ZNF831: variants seen among roughly 807,000 people sequenced by gnomAD.
The protein encoded by ZNF831 is zinc finger protein 831.
Under a neutral mutation model 95.8 loss-of-function variants are expected in ZNF831, and 59 were observed. That is an observed-to-expected ratio of 0.62 (90% CI 0.50 to 0.77). The LOEUF is 0.77. Among genes scored for constraint, ZNF831 ranks in the 30% least tolerant of loss-of-function variants. The probability of loss-of-function intolerance (pLI) is 0.00; values close to 1 mark genes in which losing one functional copy is unlikely to be tolerated. For synonymous variants in ZNF831, 961 were observed against 925.5 expected, an observed-to-expected ratio of 1.04 and a Z score of -0.70; for missense variants, 2,205 against 2,164.0, an observed-to-expected ratio of 1.02 and a Z score of -0.38.
chr20:59,241,289 A>G (rs896007906), intron 4 of ZNF831, among the ~76,000 whole-genome samples: 1 of 152,108 alleles, frequency 6.6e-6, no homozygotes, highest in Non-Finnish European at 1.5e-5. Flanking sequence ...TTGGTCTAAA[A>G]GAACTCATAA....
At chr20:59,162,543 TA>T (rs1980938270), upstream of ZNF831, among the ~76,000 whole-genome samples, 2 of 152,204 alleles carry the variant, frequency 1.3e-5, no homozygotes, top group Admixed American at 1.3e-4. Context: ...ATTTATTGAA[TA>T]GGGGGTCCTT....
At chr20:59,149,814 C>A (rs776686436) in intron 2 of ZNF831, among the ~76,000 whole-genome samples, 2 of 152,266 alleles carry the variant, frequency 1.3e-5, no homozygotes, top group African/African-American at 2.4e-5. Flanking sequence ...TCTCCACTGC[C>A]TTTTTCTGTG....
chr20:59,221,478 C>CT (rs1319393276), intron 4 of ZNF831, among the ~76,000 whole-genome samples: 1 of 152,230 alleles, frequency 6.6e-6, no homozygotes, highest in Non-Finnish European at 1.5e-5. Flanking sequence ...CACCCCACTG[C>CT]TGGCTGCTGG....
chr20:59,201,414 TTCAATCTATGGCTTA>T (rs1310742075), intron 3 of ZNF831, among the ~76,000 whole-genome samples: 2 of 152,202 alleles, frequency 1.3e-5, no homozygotes, highest in African/African-American at 4.8e-5. Flanking sequence ...ACTATTTTCT[TTCAATCTATGGCTTA>T]TCTTTCTATT....
At chr20:59,184,456 T>C (rs1982855573) in intron 1 of ZNF831, among the ~76,000 whole-genome samples, 1 of 151,208 alleles carries the variant, frequency 6.6e-6, no homozygotes, top group Non-Finnish European at 1.5e-5. Flanking sequence ...ACATAAAATA[T>C]AACACTTTCA....
rs1018315143 is a variant in ZNF831 at position 59,178,837 on chromosome 20, C to T, written c.-36-12147C>T. Among the ~76,000 whole-genome samples, 7 of 152,052 alleles carry T rather than the reference C, an allele frequency of 4.6e-5. No homozygotes were observed. In the South Asian group the frequency reaches 8.3e-4, roughly 18 times the overall value. On this transcript the variant is annotated intron_variant, in intron 1 of 5. Coordinates refer to ENST00000371030, the MANE Select transcript of ZNF831 (RefSeq NM_178457.3). ...TTTTCCATTTTACAAACAAGAAAACCGAGTCCTAGGGAGGCTGTGCAGCTC... is the reference window on the plus strand; with the variant it reads ...TTTTCCATTTTACAAACAAGAAAACTGAGTCCTAGGGAGGCTGTGCAGCTC...
At chr20:59,135,784 G>T (rs556918432) in intron 1 of ZNF831, among the ~76,000 whole-genome samples, 1 of 152,268 alleles carries the variant, frequency 6.6e-6, no homozygotes, top group Non-Finnish European at 1.5e-5. Flanking sequence ...TGTGATCCCA[G>T]TTATTAGGTT....
chr20:59,254,033 G>C lies in ZNF831; in HGVS notation c.4324G>C (p.Asp1442His), dbSNP rs2146762961. The change falls in exon 6 of 6, where the codon GAC becomes CAC. Residue 1442 changes from aspartate (D) to histidine (H), a missense_variant. By Grantham distance (81) the Asp-to-His change is moderately conservative (BLOSUM62 -1). Transcript: ENST00000371030. This position sits in a 1 kb window ranked among gnomAD's most constrained non-coding sequence, Gnocchi z 4.5. ...DVPLPPGKGL[D>H]LGLLETQLLA... ...GCCTCTACCCCCTGGCAAAGGTCTT[G>C]ACCTTGGGTTGCTGGAGACTCAGCT... The C allele has an allele frequency of 1.2e-6, 2 of 1,614,062 alleles. No homozygotes were observed. Among genetic ancestry groups the C allele is most frequent in the Non-Finnish European group, 1.7e-6 (2 of 1,180,022 alleles).
At chr20:59,222,310 C>A (rs1455393019) in intron 4 of ZNF831, among the ~76,000 whole-genome samples, 1 of 152,056 alleles carries the variant, frequency 6.6e-6, no homozygotes, top group Non-Finnish European at 1.5e-5. Context: ...TGGGTGCGGA[C>A]CCCTGGCTGG....
At chr20:59,175,976 T>A (rs962027276) in intron 1 of ZNF831, among the ~76,000 whole-genome samples, 4 of 152,206 alleles carry the variant, frequency 2.6e-5, no homozygotes, top group African/African-American at 9.7e-5. Context: ...GGGAAGGCCC[T>A]GTTACCTCCT....
intron 1 of ZNF831, among the ~76,000 whole-genome samples, chr20:59,144,808 T>G (rs1979791165): frequency 6.6e-6 from 1 of 152,050 alleles, no homozygotes; most frequent in African/African-American, 2.4e-5. Context: ...TCTTCTGGAG[T>G]TGATGTGTTT....
chr20:59,143,845 C>T (rs1979756817), intron 1 of ZNF831, among the ~76,000 whole-genome samples: 2 of 152,350 alleles, frequency 1.3e-5, no homozygotes, highest in Admixed American at 1.3e-4. Context: ...CCAGGCTGGA[C>T]ACATTACTGT....
intron 4 of ZNF831, among the ~76,000 whole-genome samples, chr20:59,221,679 G>A (rs1986083196): frequency 6.6e-6 from 1 of 152,202 alleles, no homozygotes; most frequent in Non-Finnish European, 1.5e-5. Context: ...AGAAATGCAA[G>A]CTCAGTTCCA....
At chr20:59,225,521 A>G (rs1760024967) in intron 4 of ZNF831, among the ~76,000 whole-genome samples, 1 of 152,246 alleles carries the variant, frequency 6.6e-6, no homozygotes, top group Non-Finnish European at 1.5e-5. Context: ...TAGATTAATC[A>G]ACGTCTGTTG....
intron 4 of ZNF831, among the ~76,000 whole-genome samples, chr20:59,228,793 AT>A (rs1293333084): frequency 6.6e-6 from 1 of 152,136 alleles, no homozygotes; most frequent in Non-Finnish European, 1.5e-5. Flanking sequence ...ATCACCTCAA[AT>A]GTTTATCTTT....
rs115098735 is a variant in ZNF831, at chr20:59,224,044, A to G, written c.4027+16988A>G. 6.8e-3 allele frequency among the ~76,000 whole-genome samples: 1,034 copies of G among 152,332 alleles called. 12 individuals are homozygous for G. The highest frequency in any genetic ancestry group is 0.023 in the African/African-American group (946 of 41,580). On this transcript the variant is annotated intron_variant, in intron 4 of 5. Coordinates refer to ENST00000371030, the MANE Select transcript of ZNF831 (RefSeq NM_178457.3). ...CCAGCGCTCTTTTGGGGGTGGATGG[A>G]TTACGGGGAAACACGTCCTTCTTTT...
intron 1 of ZNF831, among the ~76,000 whole-genome samples, chr20:59,140,291 C>T (rs1268467591): frequency 5.9e-5 from 9 of 152,094 alleles, no homozygotes; most frequent in African/African-American, 1.9e-4. Context: ...CAGAGGCTAC[C>T]GTGATTTTAA....
rs1448469770 is a variant in ZNF831 at position 59,256,525 on chromosome 20, T to G, written c.*1782T>G. 1 of 152,232 alleles carries G rather than the reference T, an allele frequency of 6.6e-6. No homozygotes were observed. The highest frequency in any genetic ancestry group is 1.5e-5 in the Non-Finnish European group (1 of 68,034). 9.4% of individuals were successfully genotyped at this position (152,232 alleles called of 1,614,324 possible). The stretch of plus-strand genomic sequence containing the variant: ...TGGATGGAGATTGAAGTCCTGACTT[T>G]AGCTGGGAAATCTTGGTTAAGAGTC... On this transcript the variant is annotated 3_prime_UTR_variant, in exon 6 of 6. Transcript: ENST00000371030.
At chr20:59,252,308 A>G (rs1050165322) in intron 4 of ZNF831, among the ~76,000 whole-genome samples, 1 of 152,194 alleles carries the variant, frequency 6.6e-6, no homozygotes, top group African/African-American at 2.4e-5. Context: ...AGTCGTTTTA[A>G]GATATTTCTC....
Sources: allele counts gnomAD v4.1 joint callset (sites outside exome capture counted in the v4.1 genomes callset), GRCh38; gene constraint gnomAD v4.1.1; non-coding constraint Gnocchi (gnomAD v3.1); transcripts MANE v1.5; gene names NCBI Gene and HGNC (gene_info 2026-07-23, HGNC 2026-07-21).